The following SAMD12 variants were observed in gnomAD, a reference collection of about 807,000 sequenced individuals.
SAMD12 encodes the protein sterile alpha motif domain containing 12.
SAMD12 carries 9 observed loss-of-function variants against 15.0 expected under a neutral mutation model. The observed-to-expected ratio is 0.60, with a 90% CI of 0.36 to 1.05. The LOEUF (loss-of-function observed/expected upper bound fraction) is 1.05, where lower values mean the gene tolerates loss of function less well. Among genes scored for constraint, SAMD12 ranks in the 50% least tolerant of loss-of-function variants. SAMD12 has a pLI of 0.01. For missense variants in SAMD12, 230 were observed against 234.2 expected (o/e 0.98, Z 0.12); for synonymous variants, 86 against 90.1 (o/e 0.96, Z 0.25).
chr8:118,268,905 G>T lies in SAMD12; in HGVS notation c.434-71173C>A, dbSNP rs114712006. On this transcript the variant is annotated intron_variant, in intron 4 of 4. Transcript: ENST00000409003. ...TGGAGCCTTGCTCTCAGATATGACT[G>T]GTGAATTCCATTCTCAGAGACTCTA... Among the ~76,000 whole-genome samples the T allele has an allele frequency of 5.9e-3, 891 of 152,206 alleles. 8 individuals carry two copies. Among genetic ancestry groups the T allele is most frequent in the African/African-American group, 0.02 (819 of 41,540 alleles).
intron 2 of SAMD12, among the ~76,000 whole-genome samples, chr8:118,468,432 C>T (rs1465230193): frequency 6.6e-6 from 1 of 152,162 alleles, no homozygotes; most frequent in Non-Finnish European, 1.5e-5. Context: ...TTGCCATTGG[C>T]TCAGAAATGC....
intron 1 of SAMD12, among the ~76,000 whole-genome samples, chr8:118,600,150 TAAG>T (rs1331283116): frequency 6.6e-6 from 1 of 152,170 alleles, no homozygotes; most frequent in Non-Finnish European, 1.5e-5. Context: ...GTGTGTTAGG[TAAG>T]AAACTTAGAC....
At chr8:118,152,530 G>A in the SAMD12 span, among the ~76,000 whole-genome samples, 2 of 129,270 alleles carry the variant, frequency 1.5e-5, no homozygotes, top group African/African-American at 5.9e-5. Context: ...TGACAGAGTT[G>A]TTCTTGTGCC....
chr8:118,228,799 A>AG (rs1812240460), intron 4 of SAMD12, among the ~76,000 whole-genome samples: 1 of 152,222 alleles, frequency 6.6e-6, no homozygotes, highest in South Asian at 2.1e-4. Flanking sequence ...ATCTACCCAG[A>AG]GGAAAAAAAG....
chr8:118,269,402 A>G (rs1455599747), intron 4 of SAMD12, among the ~76,000 whole-genome samples: 4 of 152,026 alleles, frequency 2.6e-5, no homozygotes, highest in African/African-American at 9.7e-5. Context: ...ACAATAACCA[A>G]CATGTTTATT....
chr8:118,163,670 T>C, the SAMD12 span, among the ~76,000 whole-genome samples: 1 of 151,210 alleles, frequency 6.6e-6, no homozygotes, highest in Non-Finnish European at 1.5e-5. Context: ...GGTCAGGAGA[T>C]CGAGACCATC....
chr8:118,208,086 C>T (rs1563695305), intron 4 of SAMD12, among the ~76,000 whole-genome samples: 1 of 151,842 alleles, frequency 6.6e-6, no homozygotes, highest in East Asian at 1.9e-4. Context: ...GGAGAAACCC[C>T]GTCTCTACTA....
intron 4 of SAMD12, among the ~76,000 whole-genome samples, chr8:118,239,444 C>A (rs1368538269): frequency 6.6e-6 from 1 of 152,106 alleles, no homozygotes; most frequent in Non-Finnish European, 1.5e-5. Context: ...CAAGACTCTT[C>A]TATTACTGAG....
At chr8:118,254,848 A>C (rs1372924818) in intron 4 of SAMD12, among the ~76,000 whole-genome samples, 1 of 151,270 alleles carries the variant, frequency 6.6e-6, no homozygotes, top group Non-Finnish European at 1.5e-5. Flanking sequence ...CATTGATTTC[A>C]CCTCTCTACT....
chr8:118,183,396 A>G, the SAMD12 span, among the ~76,000 whole-genome samples: 1 of 152,220 alleles, frequency 6.6e-6, no homozygotes, highest in Non-Finnish European at 1.5e-5. Flanking sequence ...CATTGGGTAC[A>G]TTTTTTGAAA....
intron 4 of SAMD12, among the ~76,000 whole-genome samples, chr8:118,245,850 G>A (rs1175121671): frequency 2.6e-5 from 4 of 152,040 alleles, no homozygotes; most frequent in Admixed American, 1.3e-4. Context: ...GAAGGGGAGG[G>A]GTTAAGTTGA....
At chr8:118,576,200 G>A (rs1217360969) in intron 2 of SAMD12, among the ~76,000 whole-genome samples, 1 of 152,032 alleles carries the variant, frequency 6.6e-6, no homozygotes, top group Non-Finnish European at 1.5e-5. Context: ...AGCAGCTCCT[G>A]GAAACATGGG....
chr8:118,315,616 G>C (rs529757838), intron 4 of SAMD12, among the ~76,000 whole-genome samples: 1 of 152,230 alleles, frequency 6.6e-6, no homozygotes, highest in South Asian at 2.1e-4. Context: ...TTGAGGGCTC[G>C]GGATAAGTGT....
At chr8:118,266,917 C>T (rs1331616828) in intron 4 of SAMD12, among the ~76,000 whole-genome samples, 5 of 152,018 alleles carry the variant, frequency 3.3e-5, no homozygotes, top group African/African-American at 9.7e-5. Context: ...ATCCATTGTA[C>T]AACATGGTAA....
intron 2 of SAMD12, among the ~76,000 whole-genome samples, chr8:118,451,973 T>C (rs1823097465): frequency 6.6e-6 from 1 of 152,164 alleles, no homozygotes; most frequent in African/African-American, 2.4e-5. Flanking sequence ...CAACTTGTAT[T>C]CCAAGACAGG....
At position 118,581,960 on chromosome 8, in the gene SAMD12, T is replaced by C. The variant is rs144788287; in HGVS notation, c.14-1067A>G. On this transcript the variant is annotated intron_variant, in intron 1 of 3. Coordinates refer to ENST00000314727, the MANE Select transcript of SAMD12 (RefSeq NM_207506.3). ...ATCAATAATCTTTTACCCAACATCT[T>C]TAGGCTTTCCCCTTTCTCAGCATTC... is the stretch of plus-strand genomic sequence containing the variant. 1.1e-3 allele frequency among the ~76,000 whole-genome samples: 175 copies of C among 152,222 alleles called. 3 individuals carry two copies. Among genetic ancestry groups the C allele is most frequent in the African/African-American group, 3.7e-3 (154 of 41,522 alleles).
At chr8:118,183,658 T>C in the SAMD12 span, among the ~76,000 whole-genome samples, 241 of 152,288 alleles carry the variant, frequency 1.6e-3, 2 homozygotes, top group African/African-American at 5.7e-3. Context: ...ATGGGAACTA[T>C]AATATCTTAC....
intron 2 of SAMD12, among the ~76,000 whole-genome samples, chr8:118,554,427 G>A (rs1427934249): frequency 6.0e-4 from 91 of 151,086 alleles, no homozygotes; most frequent in African/African-American, 1.8e-3. Flanking sequence ...GTAAACTATC[G>A]CAAGAACAAA....
intron 4 of SAMD12, among the ~76,000 whole-genome samples, chr8:118,250,410 C>G (rs952657742): frequency 2.6e-5 from 4 of 152,058 alleles, no homozygotes; most frequent in Non-Finnish European, 5.9e-5. Context: ...AGCATGGACA[C>G]TCAAATAGAA....
Sources: gnomAD v4.1 joint callset for allele counts (sites outside exome capture counted in the v4.1 genomes callset) on GRCh38, gnomAD v4.1.1 for gene constraint, MANE v1.5 for transcripts, NCBI Gene and HGNC (gene_info 2026-07-23, HGNC 2026-07-21) for gene names.